MAP1B: variants seen among roughly 807,000 people sequenced by gnomAD.
MAP1B encodes the protein microtubule associated protein 1B.
Under a neutral mutation model 176.1 loss-of-function variants are expected in MAP1B, and 12 were observed. That is an observed-to-expected ratio of 0.07 (90% CI 0.04 to 0.11). The LOEUF (loss-of-function observed/expected upper bound fraction) is 0.11. MAP1B is among the 10% of genes least tolerant of loss of function. MAP1B has a pLI of 1.00. For missense variants in MAP1B, 2,523 were observed against 2,990.5 expected, an observed-to-expected ratio of 0.84 and a Z score of 3.65; for synonymous variants, 1,044 against 1,135.0, an observed-to-expected ratio of 0.92 and a Z score of 1.61.
At chr5:72,146,132 G>A (rs1167568162) in intron 2 of MAP1B, among the ~76,000 whole-genome samples, 10 of 152,214 alleles carry the variant, frequency 6.6e-5, no homozygotes, top group Admixed American at 3.9e-4. Context: ...TGCAATGCCA[G>A]TTGGAAGGAG....
chr5:72,129,044 AAG>A (rs377384084), intron 2 of MAP1B, among the ~76,000 whole-genome samples: 19 of 152,334 alleles, frequency 1.2e-4, no homozygotes, highest in African/African-American at 4.6e-4. Flanking sequence ...ACCAAAAGGT[AAG>A]AGAGATGAGA....
At chr5:72,120,472 T>C (rs2112126855) in intron 2 of MAP1B, among the ~76,000 whole-genome samples, 1 of 151,596 alleles carries the variant, frequency 6.6e-6, no homozygotes, top group Middle Eastern at 3.4e-3. Flanking sequence ...TTGCCCAGGC[T>C]GGAGTGCAGT....
Position 72,137,457 on chromosome 5 carries a change from A to C in MAP1B, c.286+21658A>C, listed in dbSNP as rs545795283. Among the ~76,000 whole-genome samples, 5 of 152,320 alleles carry C rather than the reference A, an allele frequency of 3.3e-5. No homozygotes were observed. In the South Asian group the frequency reaches 1.0e-3, roughly 32 times the overall value. On this transcript the variant is annotated intron_variant, in intron 2 of 6. Transcript: ENST00000296755. ...AAGCTTATGATCTTTAACTGCTGAG[A>C]TCCATCTTCATTCAGAATTAAATGG...
At chr5:72,183,252 CAGA>C (rs1746816603) in intron 2 of MAP1B, among the ~76,000 whole-genome samples, 2 of 152,238 alleles carry the variant, frequency 1.3e-5, no homozygotes, top group African/African-American at 4.8e-5. Context: ...AAGCCTGCCT[CAGA>C]CAGCCATTCT....
intron 2 of MAP1B, among the ~76,000 whole-genome samples, chr5:72,172,263 C>T (rs923291406): frequency 2.0e-5 from 3 of 152,192 alleles, no homozygotes; most frequent in African/African-American, 7.2e-5. Flanking sequence ...GTGGCCCAGC[C>T]TGATGCTGCC....
In MAP1B at chr5:72,203,777, G is replaced by A; in HGVS notation, c.7227G>A (p.Lys2409=). The A allele has an allele frequency of 6.2e-7, 1 of 1,612,678 alleles. No individual in the cohort carries two copies. Among genetic ancestry groups the A allele is most frequent in the South Asian group, 1.1e-5 (1 of 91,012 alleles). The change falls in exon 6 of 7, where the codon AAG becomes AAA. Residue 2409 remains lysine (K), a synonymous_variant. Coordinates refer to ENST00000296755, the MANE Select transcript of MAP1B (RefSeq NM_005909.5). ...RAVLDALLEG[K]AQWGSNMQVT... ...TCCTGGACGCTTTGTTGGAAGGAAA[G>A]GCTCAGTGGGGCAGCAACATGCAGG...
rs762331331 is a variant in MAP1B, at chr5:72,205,076, C to G, written c.7252-8C>G. 6.3e-7 allele frequency: 1 copy of G among 1,583,758 alleles called. No individual in the cohort carries two copies. Among genetic ancestry groups the G allele is most frequent in the East Asian group, 2.2e-5 (1 of 44,534 alleles). ...TTAAATAGCTATTTTTTTTTTCTCT[C>G]CCTGCAGGTGACACTGATCCCAACT... is the stretch of plus-strand genomic sequence containing the variant. On this transcript the variant is annotated splice_region_variant and splice_polypyrimidine_tract_variant and intron_variant, in intron 6 of 6. Coordinates refer to ENST00000296755, the MANE Select transcript of MAP1B (RefSeq NM_005909.5).
intron 2 of MAP1B, among the ~76,000 whole-genome samples, chr5:72,124,410 G>C (rs1303310103): frequency 6.6e-6 from 1 of 152,218 alleles, no homozygotes; most frequent in African/African-American, 2.4e-5. Context: ...GTCAGGACTG[G>C]TGAAATTGAT....
intron 2 of MAP1B, among the ~76,000 whole-genome samples, chr5:72,141,847 G>A (rs779115864): frequency 1.3e-5 from 2 of 152,106 alleles, no homozygotes; most frequent in Admixed American, 1.3e-4. Context: ...TCCTTCAAAC[G>A]TTTCCACCCT....
chr5:72,178,793 G>A (rs1014806350), intron 2 of MAP1B, among the ~76,000 whole-genome samples: 1 of 149,630 alleles, frequency 6.7e-6, no homozygotes, highest in Non-Finnish European at 1.5e-5. Flanking sequence ...AAACTCTGTG[G>A]AGAAGAGATC....
chr5:72,111,248 T>G (rs1745332381), intron 1 of MAP1B, among the ~76,000 whole-genome samples: 1 of 152,192 alleles, frequency 6.6e-6, no homozygotes, highest in South Asian at 2.1e-4. Flanking sequence ...TGTGAACGTT[T>G]TCATTGTTTC....
chr5:72,202,011 C>T (rs550821449), intron 5 of MAP1B, among the ~76,000 whole-genome samples: 2 of 152,220 alleles, frequency 1.3e-5, no homozygotes, highest in East Asian at 1.9e-4. Flanking sequence ...TACATCCTAG[C>T]CCACACAATT....
intron 2 of MAP1B, among the ~76,000 whole-genome samples, chr5:72,152,675 G>A (rs915715803): frequency 6.6e-6 from 1 of 152,186 alleles, no homozygotes; most frequent in Non-Finnish European, 1.5e-5. Context: ...TTGAACTCCT[G>A]ACCTCGAGTG....
chr5:72,113,546 A>G (rs544048650), intron 1 of MAP1B, among the ~76,000 whole-genome samples: 1 of 152,388 alleles, frequency 6.6e-6, no homozygotes, highest in East Asian at 1.9e-4. Flanking sequence ...CCAAGGGAAA[A>G]TGGCAAGTAA....
chr5:72,177,098 C>G (rs943860031), intron 2 of MAP1B, among the ~76,000 whole-genome samples: 1 of 152,200 alleles, frequency 6.6e-6, no homozygotes, highest in South Asian at 2.1e-4. Context: ...TCTAACAGCA[C>G]CTCTGTGGCA....
chr5:72,201,230 G>A (rs1181038741), intron 5 of MAP1B, among the ~76,000 whole-genome samples: 1 of 80,488 alleles, frequency 1.2e-5, no homozygotes, highest in African/African-American at 6.1e-5. Context: ...TAATTAGCTG[G>A]GTGTGGTGGC....
rs746642945 is a variant in MAP1B at position 72,198,246 on chromosome 5, T to G, written c.4891T>G (p.Ser1631Ala). 3.7e-6 allele frequency: 6 copies of G among 1,614,186 alleles called. No homozygotes were observed. Among genetic ancestry groups the G allele is most frequent in the Non-Finnish European group, 5.1e-6 (6 of 1,180,034 alleles). Residue 1631 changes from serine to alanine, a missense_variant, in exon 5 of 7, where the codon TCC becomes GCC. Physicochemically the swap from Ser to Ala is moderately conservative, Grantham distance 99. Around this residue, in one of 4 missense-constraint regions of MAP1B, gnomAD observed 1,925 missense variants for 2,126.0 expected, o/e 0.91. Coordinates refer to ENST00000296755, the MANE Select transcript of MAP1B (RefSeq NM_005909.5). ...PPDFSPKTAK[S>A]RTPVQDHRSE... The stretch of plus-strand genomic sequence containing the variant: ...AGATTTCTCCCCTAAAACTGCAAAG[T>G]CCAGGACACCCGTTCAAGATCACAG...
At chr5:72,180,735 T>A (rs1746746903) in intron 2 of MAP1B, among the ~76,000 whole-genome samples, 1 of 152,236 alleles carries the variant, frequency 6.6e-6, no homozygotes, top group Non-Finnish European at 1.5e-5. Flanking sequence ...TAATTTTAAC[T>A]TCTTTTATGT....
At chr5:72,127,972 C>T (rs972250770) in intron 2 of MAP1B, among the ~76,000 whole-genome samples, 1 of 152,116 alleles carries the variant, frequency 6.6e-6, no homozygotes, top group Non-Finnish European at 1.5e-5. Context: ...GTTTCTTCTC[C>T]CACCCAAATA....
Sources: allele counts gnomAD v4.1 joint callset (sites outside exome capture counted in the v4.1 genomes callset), GRCh38; gene constraint gnomAD v4.1.1; regional missense constraint gnomAD v4.1.1; transcripts MANE v1.5; gene names NCBI Gene and HGNC (gene_info 2026-07-23, HGNC 2026-07-21).